ZRANB3: variants seen among roughly 807,000 people sequenced by gnomAD.
ZRANB3 encodes DNA annealing helicase and endonuclease ZRANB3.
Under a neutral mutation model 133.8 loss-of-function variants are expected in ZRANB3, and 125 were observed. The ratio of observed to expected loss-of-function variants is 0.93; its 90% CI spans 0.81 to 1.08. The LOEUF is 1.08. Ranked by LOEUF, ZRANB3 falls within the 50% of genes least tolerant of loss-of-function variation. ZRANB3 has a pLI of 0.00. For synonymous variants in ZRANB3, 387 were observed against 432.7 expected (o/e 0.89, Z 1.31); for missense variants, 1,229 against 1,275.5 (o/e 0.96, Z 0.56).
rs757452604 is a variant in ZRANB3 at position 135,357,587 on chromosome 2, C to T, written c.181-3959G>A. Among the ~76,000 whole-genome samples, 7 of 152,254 alleles carry T rather than the reference C, an allele frequency of 4.6e-5. No individual in the cohort carries two copies. The East Asian group carries it at 5.8e-4, about 13-fold the overall frequency. On this transcript the variant is annotated intron_variant, in intron 3 of 20. Transcript: ENST00000264159. Reference sequence around the variant, plus strand: ...CTTGGATTACAGGCGTAAGCCACTGCGCCTTGCCAAGACACGGTTTTGCCA... The same window carrying T: ...CTTGGATTACAGGCGTAAGCCACTGTGCCTTGCCAAGACACGGTTTTGCCA...
intron 1 of ZRANB3, chr2:135,511,694 C>G (rs909741518): frequency 1.3e-6 from 1 of 766,688 alleles, no homozygotes; most frequent in African/African-American, 1.7e-5. Flanking sequence ...TTTAGTGTGG[C>G]ATAAGCATCA....
At chr2:135,384,276 C>T (rs995738817) in intron 3 of ZRANB3, among the ~76,000 whole-genome samples, 3 of 152,228 alleles carry the variant, frequency 2.0e-5, no homozygotes, top group African/African-American at 7.2e-5. Flanking sequence ...CACATACACT[C>T]TCCCAAGACT....
intron 2 of ZRANB3, among the ~76,000 whole-genome samples, chr2:135,429,724 A>G (rs1436851228): frequency 6.6e-6 from 1 of 152,192 alleles, no homozygotes; most frequent in African/African-American, 2.4e-5. Flanking sequence ...TACATTATTT[A>G]GAGATACGGG....
chr2:135,457,110 C>T (rs1421012240), intron 2 of ZRANB3, among the ~76,000 whole-genome samples: 1 of 152,180 alleles, frequency 6.6e-6, no homozygotes, highest in African/African-American at 2.4e-5. Context: ...CTTAACTCAG[C>T]ATGATGTTTT....
At chr2:135,517,640 C>T (rs1693756012) in intron 1 of ZRANB3, among the ~76,000 whole-genome samples, 1 of 152,214 alleles carries the variant, frequency 6.6e-6, no homozygotes, top group Non-Finnish European at 1.5e-5. Flanking sequence ...GTTCCTTCCT[C>T]TGGGAGGAGG....
chr2:135,220,697 C>CAA (rs1222053120), intron 15 of ZRANB3, among the ~76,000 whole-genome samples: 6,600 of 54,670 alleles, frequency 0.12, 378 homozygotes, highest in South Asian at 0.28. Flanking sequence ...GACTCCATCT[C>CAA]AAAAAAAAAA....
intron 6 of ZRANB3, among the ~76,000 whole-genome samples, chr2:135,316,730 C>T (rs1473036413): frequency 6.6e-5 from 10 of 152,008 alleles, no homozygotes; most frequent in South Asian, 2.1e-4. Flanking sequence ...CACTTTGGGA[C>T]GCCAAGGCGA....
At chr2:135,427,495 C>T (rs1054518995) in intron 2 of ZRANB3, among the ~76,000 whole-genome samples, 2 of 152,242 alleles carry the variant, frequency 1.3e-5, no homozygotes, top group Non-Finnish European at 2.9e-5. Flanking sequence ...CCTAGGAATA[C>T]AGCTAACAAG....
rs192596869 is a variant in ZRANB3 at position 135,446,335 on chromosome 2, A to G, written c.162-55515T>C. On this transcript the variant is annotated intron_variant, in intron 2 of 20. Coordinates refer to ENST00000264159, the MANE Select transcript of ZRANB3 (RefSeq NM_032143.4). ...ACATGAGTAGATATAGAGAGCTTAT[A>G]ATACTTCTTGTCTGATAGCTTCATT... Among the ~76,000 whole-genome samples the G allele has an allele frequency of 7.9e-5, 12 of 152,316 alleles. No individual in the cohort carries two copies. In the East Asian group the frequency reaches 2.1e-3, roughly 27 times the overall value.
chr2:135,302,539 T>C (rs1682482975), intron 8 of ZRANB3, among the ~76,000 whole-genome samples: 3 of 152,068 alleles, frequency 2.0e-5, no homozygotes, highest in Admixed American at 2.0e-4. Flanking sequence ...TTTTTTTTTT[T>C]TTTGAGATGG....
intron 2 of ZRANB3, among the ~76,000 whole-genome samples, chr2:135,414,079 G>A (rs4504045): frequency 0.26 from 40,035 of 151,354 alleles, 8,792 homozygotes; most frequent in African/African-American, 0.59. Flanking sequence ...CATCATAATG[G>A]CAGGATCAAA....
In ZRANB3 at chr2:135,230,930, A is replaced by T; in HGVS notation, c.1540-3T>A. ...TCATGCTGTTTTTCTTTTTCGAACTAGGAAAAGCAAACAGTAGTTATCAAA... is the reference window on the plus strand; with the variant it reads ...TCATGCTGTTTTTCTTTTTCGAACTTGGAAAAGCAAACAGTAGTTATCAAA... On this transcript the variant is annotated splice_region_variant and splice_polypyrimidine_tract_variant and intron_variant, in intron 12 of 20. Transcript: ENST00000264159. 1 of 1,538,044 alleles carries T rather than the reference A, an allele frequency of 6.5e-7. No homozygotes were observed. The highest frequency in any genetic ancestry group is 1.4e-5 in the African/African-American group (1 of 72,410).
chr2:135,520,407 G>A lies in ZRANB3; in HGVS notation c.-8+10720C>T, dbSNP rs1410732034. On this transcript the variant is annotated intron_variant, in intron 1 of 20. Transcript: ENST00000264159. Reference sequence around the variant, plus strand: ...AAGACTCCACCTCAAAGAGAAAAAAGGATTTCTTTTTTTTTTTTTTTTTGA... The same window carrying A: ...AAGACTCCACCTCAAAGAGAAAAAAAGATTTCTTTTTTTTTTTTTTTTTGA... 6.9e-5 allele frequency among the ~76,000 whole-genome samples: 10 copies of A among 144,194 alleles called. No individual in the cohort carries two copies. The South Asian group carries it at 2.1e-3, about 30-fold the overall frequency. 94.6% of individuals were successfully genotyped at this position (144,194 alleles called of 152,430 possible).
chr2:135,474,861 G>T (rs1189541916), intron 2 of ZRANB3, among the ~76,000 whole-genome samples: 1 of 152,100 alleles, frequency 6.6e-6, no homozygotes, highest in Non-Finnish European at 1.5e-5. Flanking sequence ...TTCTTCTAAG[G>T]TAGGGGAAAG....
At chr2:135,471,521 T>C (rs894087807) in intron 2 of ZRANB3, among the ~76,000 whole-genome samples, 18 of 152,342 alleles carry the variant, frequency 1.2e-4, no homozygotes, top group African/African-American at 4.1e-4. Context: ...TAAGAAAATA[T>C]ATAAATTGCT....
chr2:135,246,039 CTTTTTT>C (rs569950745), intron 12 of ZRANB3, among the ~76,000 whole-genome samples: 1 of 100,422 alleles, frequency 1.0e-5, no homozygotes, highest in Admixed American at 1.1e-4. Flanking sequence ...TTCTTTCTTT[CTTTTTT>C]TTTTTTTTTT....
intron 8 of ZRANB3, among the ~76,000 whole-genome samples, chr2:135,292,440 GTTGT>G (rs368625315): frequency 2.0e-5 from 3 of 152,124 alleles, no homozygotes; most frequent in East Asian, 1.9e-4. Context: ...TTTTGATGGG[GTTGT>G]TTGTTTTTTC....
intron 10 of ZRANB3, among the ~76,000 whole-genome samples, 157 bp from the exon 11 acceptor site, chr2:135,269,298 G>T (rs1175688084): frequency 1.3e-5 from 2 of 151,998 alleles, no homozygotes; most frequent in Non-Finnish European, 2.9e-5. Context: ...AAAGGCAAAT[G>T]AAGAATGTTT....
chr2:135,448,030 A>C (rs1221142431), intron 2 of ZRANB3, among the ~76,000 whole-genome samples: 2 of 152,214 alleles, frequency 1.3e-5, no homozygotes, highest in African/African-American at 4.8e-5. Flanking sequence ...TGCCTCCTGG[A>C]CAGAACAGAC....
Sources: gnomAD v4.1 joint callset for allele counts (sites outside exome capture counted in the v4.1 genomes callset) on GRCh38, gnomAD v4.1.1 for gene constraint, MANE v1.5 for transcripts, NCBI Gene and HGNC (gene_info 2026-07-23, HGNC 2026-07-21) for gene names.